SP3: variants seen among roughly 807,000 people sequenced by gnomAD.
SP3 encodes the protein Sp3 transcription factor.
Under a neutral mutation model 70.3 loss-of-function variants are expected in SP3, and 10 were observed. That is an observed-to-expected ratio of 0.14 (90% CI 0.09 to 0.24). The LOEUF (loss-of-function observed/expected upper bound fraction) is 0.24, where lower values mean the gene tolerates loss of function less well. Among genes scored for constraint, SP3 ranks in the 10% least tolerant of loss-of-function variants. SP3 has a pLI of 1.00. For missense variants in SP3, 825 were observed against 914.6 expected, an observed-to-expected ratio of 0.90 and a Z score of 1.26; for synonymous variants, 402 against 333.5, an observed-to-expected ratio of 1.21 and a Z score of -2.24.
At position 173,965,289 on chromosome 2, in the gene SP3, G is replaced by C; in HGVS notation, c.-118C>G. ...GCGGCGGACACGGCCGGAGCGGTCC[G>C]GGGATTTTTTTTTCCTATTTTGATT... is the stretch of plus-strand genomic sequence containing the variant. On this transcript the variant is annotated 5_prime_UTR_variant, in exon 1 of 7. Coordinates refer to ENST00000310015, the MANE Select transcript of SP3 (RefSeq NM_003111.5). 1.6e-6 allele frequency: 2 copies of C among 1,244,670 alleles called. No individual in the cohort carries two copies. Among genetic ancestry groups the C allele is most frequent in the South Asian group, 1.3e-5 (1 of 75,264 alleles). 77.1% of individuals were successfully genotyped at this position (1,244,670 alleles called of 1,614,324 possible). A position where few individuals can be genotyped will look rare whatever the true frequency, so the allele number is the denominator to read the frequency against.
intron 5 of SP3, chr2:173,915,194 T>G (rs1168312931): frequency 2.0e-5 from 3 of 151,884 alleles, no homozygotes; most frequent in Non-Finnish European, 2.9e-5. Flanking sequence ...TATTAGGAAA[T>G]AAGAAATATT....
rs763095895 is a variant in SP3, at chr2:173,964,473, GGCCGCCGCC to G, written c.79_87del (p.Gly27_Gly29del). 1.7e-4 allele frequency: 123 copies of G among 707,800 alleles called. No individual in the cohort carries two copies. Among genetic ancestry groups the G allele is most frequent in the African/African-American group, 3.5e-4 (19 of 54,252 alleles). 43.8% of individuals were successfully genotyped at this position (707,800 alleles called of 1,614,324 possible). Reference sequence around the variant, plus strand: ...TGCTGCTGCTGCAGATACTCGCCGTGGCCGCCGCCGCCGCCACCGCCGCCGCCGCTATCC... The same window carrying G: ...TGCTGCTGCTGCAGATACTCGCCGTGGCCGCCACCGCCGCCGCCGCTATCC... On this transcript the variant is annotated inframe_deletion, in exon 2 of 7. Transcript: ENST00000310015.
At chr2:173,919,479 CTTTT>C (rs907133690) in intron 4 of SP3, among the ~76,000 whole-genome samples, 2 of 151,974 alleles carry the variant, frequency 1.3e-5, no homozygotes, top group African/African-American at 2.4e-5. Context: ...CAGGAAAACA[CTTTT>C]TTTTACTGTG....
chr2:173,957,933 C>G (rs190151507), intron 3 of SP3, among the ~76,000 whole-genome samples: 85 of 152,240 alleles, frequency 5.6e-4, no homozygotes, highest in Middle Eastern at 6.8e-3. Flanking sequence ...CAACTTCAAT[C>G]TGGTATAGAA....
chr2:173,921,530 AAAACAAAC>A lies in SP3; in HGVS notation c.1640-2753_1640-2746del, dbSNP rs57470941. On this transcript the variant is annotated intron_variant, in intron 4 of 6. Coordinates refer to ENST00000310015, the MANE Select transcript of SP3 (RefSeq NM_003111.5). ...GAGAGAGCGGTCCCGTCACTATCCA[AAAACAAAC>A]AAACAAACAAACAAACAAACAAACA... Among the ~76,000 whole-genome samples, 336 of 150,044 alleles carry A rather than the reference AAAACAAAC, an allele frequency of 2.2e-3. 4 individuals carry two copies. The highest frequency in any genetic ancestry group is 5.7e-3 in the African/African-American group (233 of 40,696).
intron 4 of SP3, among the ~76,000 whole-genome samples, chr2:173,928,246 A>G (rs1305578351): frequency 1.3e-5 from 2 of 152,246 alleles, no homozygotes; most frequent in Non-Finnish European, 2.9e-5. Flanking sequence ...CACGGCAGGT[A>G]TATCTGCTTC....
chr2:173,954,840 C>G, intron 4 of SP3, 33 bp downstream of exon 4: 1 of 1,591,062 alleles, frequency 6.3e-7, no homozygotes, highest in South Asian at 1.1e-5. Context: ...TATCACTGAA[C>G]TTATTTATGG....
At position 173,903,047 on chromosome 2, in the gene SP3, C is replaced by T. The variant is rs1017624156; in HGVS notation, c.*6894G>A. On this transcript the variant is annotated 3_prime_UTR_variant, in exon 7 of 7. Coordinates refer to ENST00000310015, the MANE Select transcript of SP3 (RefSeq NM_003111.5). ...GTTTCATAATAAAAAAGGCACAATA[C>T]GAATACTAGCAGTTTCGTTAATAAA... 7.2e-5 allele frequency among the ~76,000 whole-genome samples: 11 copies of T among 152,152 alleles called. No individual in the cohort carries two copies. The highest frequency in any genetic ancestry group is 2.1e-4 in the South Asian group (1 of 4,828).
intron 4 of SP3, among the ~76,000 whole-genome samples, chr2:173,940,446 C>T (rs1690338602): frequency 6.6e-6 from 1 of 152,180 alleles, no homozygotes; most frequent in African/African-American, 2.4e-5. Context: ...TCATGCTTAT[C>T]GCCCACTGCT....
At chr2:173,925,480 T>C (rs1689888527) in intron 4 of SP3, among the ~76,000 whole-genome samples, 1 of 152,224 alleles carries the variant, frequency 6.6e-6, no homozygotes, top group Non-Finnish European at 1.5e-5. Flanking sequence ...TGAAAAATTC[T>C]AGAGATGTGT....
At chr2:173,965,014 G>T in intron 1 of SP3, 151 bp downstream of exon 1, 1 of 969,856 alleles carries the variant, frequency 1.0e-6, no homozygotes, top group Non-Finnish European at 1.5e-6. Context: ...GGGAGGGGAG[G>T]GAGGCGCAGG....
At chr2:173,935,290 A>T (rs895723202) in intron 4 of SP3, among the ~76,000 whole-genome samples, 1 of 152,184 alleles carries the variant, frequency 6.6e-6, no homozygotes, top group Non-Finnish European at 1.5e-5. Context: ...AGGTTAAAAG[A>T]AGCTAACTTT....
rs150203815 is a variant in SP3, at chr2:173,929,898, T to C, written c.1640-11113A>G. ...TGTCTATGCCTCTCCCTGAAAAAAT[T>C]AGAAGGCTTATCTATTTGATTCTAT... is the stretch of plus-strand genomic sequence containing the variant. On this transcript the variant is annotated intron_variant, in intron 4 of 6. Coordinates refer to ENST00000310015, the MANE Select transcript of SP3 (RefSeq NM_003111.5). 1.1e-3 allele frequency among the ~76,000 whole-genome samples: 162 copies of C among 152,300 alleles called. 1 individual carries two copies. The highest frequency in any genetic ancestry group is 1.7e-3 in the African/African-American group (69 of 41,572).
At chr2:173,965,022 A>G in intron 1 of SP3, 143 bp downstream of exon 1, 2 of 1,058,752 alleles carry the variant, frequency 1.9e-6, no homozygotes, top group East Asian at 5.7e-5. Flanking sequence ...AGGGAGGCGC[A>G]GGGGAGTGCA....
rs946959316 is a variant in SP3 at position 173,904,867 on chromosome 2, G to A, written c.*5074C>T. ...TTTTTTTTGTGGGGGAAGGATGGAGGGGAGAAATAACTGCATTTCTCTGAT... is the reference window on the plus strand; with the variant it reads ...TTTTTTTTGTGGGGGAAGGATGGAGAGGAGAAATAACTGCATTTCTCTGAT... On this transcript the variant is annotated 3_prime_UTR_variant, in exon 7 of 7. Transcript: ENST00000310015. Among the ~76,000 whole-genome samples the A allele has an allele frequency of 6.6e-6, 1 of 152,126 alleles. No homozygotes were observed. The highest frequency in any genetic ancestry group is 6.5e-5 in the Admixed American group (1 of 15,268).
chr2:173,959,603 G>A (rs1690999053), intron 3 of SP3, among the ~76,000 whole-genome samples: 1 of 151,872 alleles, frequency 6.6e-6, no homozygotes, highest in Admixed American at 6.6e-5. Context: ...TACATCTGTA[G>A]TCCCAGCTAC....
chr2:173,912,149 A>G (rs1689503859), intron 6 of SP3, among the ~76,000 whole-genome samples: 1 of 152,212 alleles, frequency 6.6e-6, no homozygotes, highest in Admixed American at 6.5e-5. Flanking sequence ...TGTCTGTTGC[A>G]GTTTCATGTA....
intron 3 of SP3, chr2:173,963,480 T>C (rs1477634674): frequency 2.6e-5 from 4 of 153,320 alleles, no homozygotes; most frequent in Admixed American, 6.5e-5. Context: ...CTGATATGAA[T>C]TGCTCAAACA....
chr2:173,947,460 AAC>A (rs1442266761), intron 4 of SP3, among the ~76,000 whole-genome samples: 1 of 152,194 alleles, frequency 6.6e-6, no homozygotes, highest in African/African-American at 2.4e-5. Flanking sequence ...AAGAGAGAGA[AAC>A]ACTGACATGC....
Sources: allele counts gnomAD v4.1 joint callset (sites outside exome capture counted in the v4.1 genomes callset), GRCh38; gene constraint gnomAD v4.1.1; transcripts MANE v1.5; gene names NCBI Gene and HGNC (gene_info 2026-07-23, HGNC 2026-07-21).